HGS: variants seen among roughly 807,000 people sequenced by gnomAD.
HGS encodes human growth factor-regulated tyrosine kinase substrate.
HGS carries 63 observed loss-of-function variants against 109.7 expected under a neutral mutation model. That is an observed-to-expected ratio of 0.57 (90% CI 0.47 to 0.71). The LOEUF (loss-of-function observed/expected upper bound fraction) is 0.71. Among genes scored for constraint, HGS ranks in the 30% least tolerant of loss-of-function variants. The probability of loss-of-function intolerance (pLI) is 0.00; values close to 1 mark genes in which losing one functional copy is unlikely to be tolerated. For missense variants in HGS, 995 were observed against 1,068.3 expected (o/e 0.93, Z 0.96); for synonymous variants, 546 against 437.3 (o/e 1.25, Z -3.10).
Position 81,701,499 on chromosome 17 carries a change from C to T in HGS, c.2224-9C>T, listed in dbSNP as rs770744286. 4.3e-5 allele frequency: 67 copies of T among 1,548,146 alleles called. No individual in the cohort carries two copies. Among genetic ancestry groups the T allele is most frequent in the Non-Finnish European group, 5.4e-5 (62 of 1,153,056 alleles). ...GGACCAGGGCCATGCCTGCTTTCCT[C>T]CTGCACAGATGGCACCCTCTGGCGG... On this transcript the variant is annotated splice_polypyrimidine_tract_variant and intron_variant, in intron 21 of 21. Coordinates refer to ENST00000329138, the MANE Select transcript of HGS (RefSeq NM_004712.5).
chr17:81,690,911 C>G (rs886988862), intron 7 of HGS, 169 bp downstream of exon 7: 20 of 577,562 alleles, frequency 3.5e-5, no homozygotes, highest in Admixed American at 1.0e-4. Flanking sequence ...AGTGAGGGCC[C>G]ACGTAAGGGC....
chr17:81,684,994 C>T (rs1483467688), intron 1 of HGS: 8 of 985,302 alleles, frequency 8.1e-6, no homozygotes, highest in Non-Finnish European at 9.6e-6. Flanking sequence ...CCGGGAAAGG[C>T]GATGTGGGCA....
chr17:81,691,377 G>C lies in HGS; in HGVS notation c.538-70G>C. On this transcript the variant is annotated intron_variant, in intron 7 of 21. Coordinates refer to ENST00000329138, the MANE Select transcript of HGS (RefSeq NM_004712.5). The surrounding 1 kb of genome is among the most constrained non-coding windows in gnomAD (Gnocchi z 5.3). Reference sequence around the variant, plus strand: ...GCCCAGCTTCGGCATCGTACGGGGTGGTTCTGGGCCGGGTGGCGCATCAGG... The same window carrying C: ...GCCCAGCTTCGGCATCGTACGGGGTCGTTCTGGGCCGGGTGGCGCATCAGG... 2 of 1,599,590 alleles carry C rather than the reference G, an allele frequency of 1.3e-6. No homozygotes were observed. Among genetic ancestry groups the C allele is most frequent in the Non-Finnish European group, 1.7e-6 (2 of 1,173,600 alleles).
Position 81,701,741 on chromosome 17 carries a change from AGGGG to A in HGS, c.*127_*130del. ...CGGTAGTGTCCCTTCTCTGCGAGTG[AGGGG>A]GGGCCTTCACCCCAAGCCCACCTCC... On this transcript the variant is annotated 3_prime_UTR_variant, in exon 22 of 22. Transcript: ENST00000329138. The A allele has an allele frequency of 7.2e-7, 1 of 1,394,118 alleles. No individual in the cohort carries two copies. Among genetic ancestry groups the A allele is most frequent in the Non-Finnish European group, 9.5e-7 (1 of 1,055,244 alleles). The allele number at this position is 1,394,118 out of a possible 1,614,324, so 86.4% of individuals were successfully genotyped here.
intron 8 of HGS, 139 bp from the exon 9 acceptor site, chr17:81,693,364 C>T (rs1289284069): frequency 2.1e-5 from 14 of 682,230 alleles, no homozygotes; most frequent in East Asian, 5.2e-5. Context: ...TGTGGCCATT[C>T]GGACACCTGT....
rs184317638 is a variant in HGS at position 81,693,603 on chromosome 17, G to A, written c.741+22G>A. 16 of 1,562,150 alleles carry A rather than the reference G, an allele frequency of 1.0e-5. No homozygotes were observed. In the East Asian group the frequency reaches 1.1e-4, roughly 11 times the overall value. On this transcript the variant is annotated intron_variant, in intron 9 of 21. Coordinates refer to ENST00000329138, the MANE Select transcript of HGS (RefSeq NM_004712.5). The stretch of plus-strand genomic sequence containing the variant: ...CCAGGTACTCAGCCCCCTCCGTCCC[G>A]TGGGCACCTCTTCCCCGGCGCCCCC...
In HGS at chr17:81,685,676, C is replaced by A; in HGVS notation, c.109C>A (p.Gln37Lys). Residue 37 changes from glutamine to lysine, a missense_variant, in exon 2 of 22, where the codon CAA (glutamine) becomes AAA (lysine). Physicochemically the swap from Gln to Lys is moderately conservative, Grantham distance 53. Transcript: ENST00000329138. ...TTTGCAGATCTGCGACCTGATCCGC[C>A]AAGGGGACACACAGTGAGTTAGCGG... ...SILQICDLIRQGDTQAKYAVN... is the reference protein window; with the variant it reads ...SILQICDLIRKGDTQAKYAVN... The A allele has an allele frequency of 6.2e-7, 1 of 1,612,066 alleles. No individual in the cohort carries two copies. The highest frequency in any genetic ancestry group is 8.5e-7 in the Non-Finnish European group (1 of 1,179,134).
intron 3 of HGS, among the ~76,000 whole-genome samples, chr17:81,686,743 C>T (rs914670618): frequency 6.6e-6 from 1 of 152,064 alleles, no homozygotes; most frequent in Admixed American, 6.5e-5. Context: ...GCCTGACGGG[C>T]CTGTTGAAGG....
chr17:81,695,573 T>G (rs1338716797), intron 14 of HGS: 1 of 605,774 alleles, frequency 1.7e-6, no homozygotes, highest in Non-Finnish European at 2.9e-6. Flanking sequence ...AGTGGGGCCC[T>G]GAGCCAGCTC....
intron 5 of HGS, 64 bp downstream of exon 5, chr17:81,688,891 G>GA: frequency 6.2e-7 from 1 of 1,601,164 alleles, no homozygotes; most frequent in South Asian, 1.1e-5. Flanking sequence ...CAGGCTCAAC[G>GA]GGCACAGTGG....
chr17:81,696,482 CA>C lies in HGS; in HGVS notation c.1520del (p.Gln507ArgfsTer10). 1 of 1,529,726 alleles carries C rather than the reference CA, an allele frequency of 6.5e-7. No individual in the cohort carries two copies. The highest frequency in any genetic ancestry group is 8.8e-7 in the Non-Finnish European group (1 of 1,137,008). The allele number at this position is 1,529,726 out of a possible 1,614,324, so 94.8% of individuals were successfully genotyped here. A position where few individuals can be genotyped will look rare whatever the true frequency, so the allele number is the denominator to read the frequency against. On this transcript the variant is annotated frameshift_variant, in exon 16 of 22. Transcript: ENST00000329138. LOFTEE classifies it high-confidence loss of function. ...AGCCGAGGAGGCAGAGCGCCAGCGCCAGATCCAGCTGGCCCAGAAGCTGGAG... is the reference window on the plus strand; with the variant it reads ...AGCCGAGGAGGCAGAGCGCCAGCGCCGATCCAGCTGGCCCAGAAGCTGGAG... ...RAAEEAERQR[Q>X]IQLAQKLEIM...
intron 18 of HGS, among the ~76,000 whole-genome samples, chr17:81,699,502 G>A (rs1047113959): frequency 1.3e-5 from 2 of 152,186 alleles, no homozygotes; most frequent in African/African-American, 4.8e-5. Flanking sequence ...GTCAGCTCAC[G>A]GCATTCTCCG....
rs904397055 is a variant in HGS, at chr17:81,691,640, T to C, written c.662+69T>C. 9.4e-6 allele frequency: 15 copies of C among 1,591,776 alleles called. No individual in the cohort carries two copies. The African/African-American group carries it at 1.6e-4, about 17-fold the overall frequency. ...TCCAGGCTGGGTTTTCTGTCCCTCT[T>C]GGCCATGGTGCCTGAGGCCTGCAGA... On this transcript the variant is annotated intron_variant, in intron 8 of 21. Coordinates refer to ENST00000329138, the MANE Select transcript of HGS (RefSeq NM_004712.5). This position sits in a 1 kb window ranked among gnomAD's most constrained non-coding sequence, Gnocchi z 5.3.
At chr17:81,698,539 CTG>C (rs2037188817) in intron 18 of HGS, among the ~76,000 whole-genome samples, 2 of 152,156 alleles carry the variant, frequency 1.3e-5, no homozygotes, top group African/African-American at 4.8e-5. Flanking sequence ...GCTAGATACT[CTG>C]TGCTCGTCTT....
rs773844357 is a variant in HGS at position 81,684,026 on chromosome 17, A to T, written c.-41A>T. 1.3e-6 allele frequency: 2 copies of T among 1,575,928 alleles called. No individual in the cohort carries two copies. Among genetic ancestry groups the T allele is most frequent in the Non-Finnish European group, 1.7e-6 (2 of 1,164,804 alleles). ...GTCGGGGGGCGCGCCAGCTCGTAGC[A>T]GGGGAGCGCCCGCGGCGTCGGGTTT... On this transcript the variant is annotated 5_prime_UTR_variant, in exon 1 of 22. Coordinates refer to ENST00000329138, the MANE Select transcript of HGS (RefSeq NM_004712.5).
chr17:81,691,907 G>C lies in HGS; in HGVS notation c.662+336G>C, dbSNP rs1459900944. The C allele has an allele frequency of 4.7e-6, 1 of 213,598 alleles. No individual in the cohort carries two copies. Among genetic ancestry groups the C allele is most frequent in the Admixed American group, 5.2e-5 (1 of 19,252 alleles). 13.2% of individuals were successfully genotyped at this position (213,598 alleles called of 1,614,324 possible). On this transcript the variant is annotated intron_variant, in intron 8 of 21. Coordinates refer to ENST00000329138, the MANE Select transcript of HGS (RefSeq NM_004712.5). This position sits in a 1 kb window ranked among gnomAD's most constrained non-coding sequence, Gnocchi z 5.3. ...CAAGAGTAGCACAGAGAAGCTGCGG[G>C]GCCGCGGCCAGTGCCTCAGCGGTGG...
intron 1 of HGS, chr17:81,684,971 A>C: frequency 3.0e-6 from 3 of 985,306 alleles, no homozygotes; most frequent in Non-Finnish European, 3.6e-6. Context: ...GGCTTGTTAG[A>C]TCGTTTCTGT....
intron 1 of HGS, among the ~76,000 whole-genome samples, chr17:81,684,737 A>G (rs2036944920): frequency 6.6e-6 from 1 of 152,194 alleles, no homozygotes; most frequent in East Asian, 1.9e-4. Context: ...CAGCACGTGG[A>G]AAATGCGTCT....
rs2037220017 is a variant in HGS, at chr17:81,700,554, G to A, written c.1970G>A (p.Ser657Asn). The A allele has an allele frequency of 3.1e-6, 5 of 1,610,608 alleles. No individual in the cohort carries two copies. The highest frequency in any genetic ancestry group is 4.2e-6 in the Non-Finnish European group (5 of 1,178,472). Residue 657 changes from serine to asparagine, a missense_variant, in exon 19 of 22, where the codon AGC (serine) becomes AAC (asparagine). This residue lies in a region of HGS where 326 missense variants were observed against 309.7 expected (regional missense o/e 1.05). Transcript: ENST00000329138. ...CAGGCCCAGGCCGGACCCACCGCCA[G>A]CCCCGCTTACTCATCCTACCAGCCT... The part of the protein sequence containing the change: ...APQAQAGPTA[S>N]PAYSSYQPTP...
Sources: allele counts gnomAD v4.1 joint callset (sites outside exome capture counted in the v4.1 genomes callset), GRCh38; gene constraint gnomAD v4.1.1; regional missense constraint gnomAD v4.1.1; non-coding constraint Gnocchi (gnomAD v3.1); transcripts MANE v1.5; gene names NCBI Gene and HGNC (gene_info 2026-07-23, HGNC 2026-07-21).